COBL: variants seen among roughly 807,000 people sequenced by gnomAD.
COBL encodes protein cordon-bleu.
COBL carries 51 observed loss-of-function variants against 98.8 expected under a neutral mutation model. That is an observed-to-expected ratio of 0.52 (90% CI 0.41 to 0.65). The LOEUF (loss-of-function observed/expected upper bound fraction) is 0.65. Ranked by LOEUF, COBL falls within the 30% of genes least tolerant of loss-of-function variation. COBL has a pLI of 0.00. For synonymous variants in COBL, 634 were observed against 651.7 expected (o/e 0.97, Z 0.41); for missense variants, 1,617 against 1,617.5 (o/e 1.00, Z 0.01).
At chr7:51,192,757 T>G (rs999412917) in intron 3 of COBL, among the ~76,000 whole-genome samples, 1 of 152,156 alleles carries the variant, frequency 6.6e-6, no homozygotes, top group African/African-American at 2.4e-5. Flanking sequence ...TTCAAAAAAG[T>G]TTTTTTCCCT....
chr7:51,307,338 G>A (rs1362748668), intron 1 of COBL, among the ~76,000 whole-genome samples: 1 of 123,930 alleles, frequency 8.1e-6, no homozygotes. Flanking sequence ...GCCAGAGCAA[G>A]ACTCCATCTC....
intron 6 of COBL, among the ~76,000 whole-genome samples, chr7:51,105,416 G>A (rs35869637): frequency 0.013 from 2,043 of 152,204 alleles, 18 homozygotes; most frequent in Non-Finnish European, 0.021. Flanking sequence ...ATTTTAAATG[G>A]GATAATGATA....
intron 5 of COBL, among the ~76,000 whole-genome samples, chr7:51,159,913 A>C (rs1006177366): frequency 6.6e-6 from 1 of 152,210 alleles, no homozygotes; most frequent in African/African-American, 2.4e-5. Flanking sequence ...TGTTGTTTTG[A>C]GACAGTTTCA....
intron 6 of COBL, among the ~76,000 whole-genome samples, chr7:51,131,346 ATG>A (rs561976581): frequency 2.7e-4 from 41 of 152,366 alleles, no homozygotes; most frequent in African/African-American, 9.6e-4. Flanking sequence ...ATGAATAACT[ATG>A]TATTATATAT....
In COBL at chr7:51,074,168, T is replaced by C. The variant is rs559675544; in HGVS notation, c.1096+10998A>G. Among the ~76,000 whole-genome samples, 4 of 151,298 alleles carry C rather than the reference T, an allele frequency of 2.6e-5. No individual in the cohort carries two copies. The East Asian group carries it at 7.8e-4, about 29-fold the overall frequency. ...CTGATTCATAATCTCTATTTACTTC[T>C]TAACTAGTAAAACAAGGTAATGATT... On this transcript the variant is annotated intron_variant, in intron 7 of 12. Transcript: ENST00000265136.
chr7:51,207,802 T>A (rs931926841), intron 2 of COBL, among the ~76,000 whole-genome samples: 17 of 152,186 alleles, frequency 1.1e-4, no homozygotes, highest in African/African-American at 4.1e-4. Context: ...CCCAGCCGCC[T>A]GCCTTGGCCT....
Position 51,043,450 on chromosome 7 carries a change from T to C in COBL, c.1339A>G (p.Thr447Ala). Residue 447 changes from threonine to alanine, a missense_variant, in exon 8 of 13, where the codon ACC becomes GCC. Physicochemically the swap from Thr to Ala is moderately conservative, Grantham distance 58 (BLOSUM62 0). Coordinates refer to ENST00000265136, the MANE Select transcript of COBL (RefSeq NM_015198.5). ...EDCSDQDLAG[T>A]PDLGPQKSPL... ...CTCTTCTGGGGACCCAGGTCTGGGGTTCCAGCGAGGTCCTGGTCACTGCAG... is the reference window on the plus strand; with the variant it reads ...CTCTTCTGGGGACCCAGGTCTGGGGCTCCAGCGAGGTCCTGGTCACTGCAG... 2 of 1,614,208 alleles carry C rather than the reference T, an allele frequency of 1.2e-6. No individual in the cohort carries two copies. The highest frequency in any genetic ancestry group is 1.7e-6 in the Non-Finnish European group (2 of 1,180,032).
chr7:51,018,649 T>G (rs1398532735), intron 12 of COBL, among the ~76,000 whole-genome samples: 1 of 151,572 alleles, frequency 6.6e-6, no homozygotes, highest in Admixed American at 6.6e-5. Flanking sequence ...TCCCAGCACT[T>G]TGGGAGGCCA....
At chr7:51,078,692 AT>A (rs1793325226) in intron 7 of COBL, among the ~76,000 whole-genome samples, 1 of 152,228 alleles carries the variant, frequency 6.6e-6, no homozygotes, top group Non-Finnish European at 1.5e-5. Flanking sequence ...CCTCTGACTC[AT>A]GGCCTCTCAC....
chr7:51,075,987 C>T (rs151136688), intron 7 of COBL, among the ~76,000 whole-genome samples: 20 of 152,258 alleles, frequency 1.3e-4, no homozygotes, highest in Admixed American at 3.9e-4. Flanking sequence ...TGAAAAGGCC[C>T]ATTTGCTCAC....
chr7:51,228,471 A>C (rs937276494), intron 1 of COBL, among the ~76,000 whole-genome samples: 13 of 152,180 alleles, frequency 8.5e-5, no homozygotes, highest in African/African-American at 3.1e-4. Context: ...AAAATGCCTA[A>C]TAAAAGCTCA....
intron 6 of COBL, among the ~76,000 whole-genome samples, chr7:51,097,960 A>G (rs1452361905): frequency 6.8e-6 from 1 of 147,488 alleles, no homozygotes; most frequent in African/African-American, 2.5e-5. Flanking sequence ...GCAGGCGGAG[A>G]TTGCAGTGAG....
chr7:51,152,342 T>A (rs1042216226), intron 5 of COBL, among the ~76,000 whole-genome samples: 2 of 152,218 alleles, frequency 1.3e-5, no homozygotes, highest in African/African-American at 4.8e-5. Context: ...ATCTGTAGCT[T>A]GTTTCTTAGC....
chr7:51,159,851 G>A (rs568974369), intron 5 of COBL, among the ~76,000 whole-genome samples: 1 of 152,224 alleles, frequency 6.6e-6, no homozygotes, highest in South Asian at 2.1e-4. Flanking sequence ...ATGGGTTCCA[G>A]GTTTGCATTA....
rs1379761443 is a variant in COBL at position 51,018,904 on chromosome 7, AAATATATATATAT to A, written c.3769-1349_3769-1337del. Among the ~76,000 whole-genome samples, 20 of 54,678 alleles carry A rather than the reference AAATATATATATAT, an allele frequency of 3.7e-4. 2 individuals carry two copies. Among genetic ancestry groups the A allele is most frequent in the African/African-American group, 1.6e-3 (18 of 11,436 alleles). 35.9% of individuals were successfully genotyped at this position (54,678 alleles called of 152,430 possible). A position where few individuals can be genotyped will look rare whatever the true frequency, so the allele number is the denominator to read the frequency against. On this transcript the variant is annotated intron_variant, in intron 12 of 12. Transcript: ENST00000265136. ...GAAACTCCATCTCAAAAAAAAAAAAAAATATATATATATATATATATATATATATATATATATA... is the reference window on the plus strand; with the variant it reads ...GAAACTCCATCTCAAAAAAAAAAAAAATATATATATATATATATATATATA...
intron 4 of COBL, among the ~76,000 whole-genome samples, chr7:51,185,821 A>G (rs576390599): frequency 3.6e-4 from 55 of 152,354 alleles, no homozygotes; most frequent in African/African-American, 1.3e-3. Context: ...CACAGCAGTC[A>G]GTGCATTAAT....
chr7:51,027,577 TG>T, intron 10 of COBL, 134 bp downstream of exon 10: 1 of 740,660 alleles, frequency 1.4e-6, no homozygotes, highest in South Asian at 1.9e-5. Context: ...CTAGTTAAAA[TG>T]AAACCTGTGT....
chr7:51,276,220 C>T (rs1027894590), intron 1 of COBL, among the ~76,000 whole-genome samples: 3 of 152,200 alleles, frequency 2.0e-5, no homozygotes, highest in Non-Finnish European at 4.4e-5. Flanking sequence ...TGAAGCTGTT[C>T]TCAGACATTT....
chr7:51,021,440 C>T (rs977471225), intron 12 of COBL, among the ~76,000 whole-genome samples: 1 of 152,182 alleles, frequency 6.6e-6, no homozygotes, highest in African/African-American at 2.4e-5. Flanking sequence ...AAACAATCCT[C>T]CTACCTTCAC....
Sources: allele counts gnomAD v4.1 joint callset (sites outside exome capture counted in the v4.1 genomes callset), GRCh38; gene constraint gnomAD v4.1.1; transcripts MANE v1.5; gene names NCBI Gene and HGNC (gene_info 2026-07-23, HGNC 2026-07-21).